UBE3C: variants seen among roughly 807,000 people sequenced by gnomAD.
UBE3C encodes ubiquitin-protein ligase E3C.
In UBE3C, 42 loss-of-function variants were observed where a neutral mutation model predicts 129.4. That is an observed-to-expected ratio of 0.32 (90% CI 0.25 to 0.42). The LOEUF (loss-of-function observed/expected upper bound fraction) is 0.42. Among genes scored for constraint, UBE3C ranks in the 10% least tolerant of loss-of-function variants. The probability of loss-of-function intolerance (pLI) is 1.00; values close to 1 mark genes in which losing one functional copy is unlikely to be tolerated. For missense variants in UBE3C, 1,049 were observed against 1,319.1 expected (o/e 0.80, Z 3.17); for synonymous variants, 510 against 492.4 (o/e 1.04, Z -0.47).
rs185662514 is a variant in UBE3C at position 157,144,855 on chromosome 7, A to G, written c.66+5517A>G. On this transcript the variant is annotated intron_variant, in intron 1 of 22. Transcript: ENST00000348165. ...ATTGATAAACCAATGTCGATGTGTT[A>G]TTATTAATTGAAGTCCATAGTGTAC... Among the ~76,000 whole-genome samples, 409 of 152,282 alleles carry G rather than the reference A, an allele frequency of 2.7e-3. 8 individuals carry two copies. Among genetic ancestry groups the G allele is most frequent in the Admixed American group, 0.025 (389 of 15,294 alleles).
intron 10 of UBE3C, chr7:157,198,278 C>G (rs1809179803): frequency 1.0e-6 from 1 of 962,756 alleles, no homozygotes; most frequent in Admixed American, 1.7e-5. Context: ...TGTCCGTGGG[C>G]TCTTGAAGAC....
chr7:157,158,892 G>A (rs1807990889), intron 1 of UBE3C, among the ~76,000 whole-genome samples: 1 of 152,224 alleles, frequency 6.6e-6, no homozygotes, highest in Non-Finnish European at 1.5e-5. Flanking sequence ...GTTAATATGA[G>A]AATTTGGTCC....
intron 15 of UBE3C, 84 bp downstream of exon 15, chr7:157,220,860 T>G: frequency 6.9e-7 from 1 of 1,452,638 alleles, no homozygotes; most frequent in African/African-American, 1.4e-5. Flanking sequence ...TCTGTTATTT[T>G]TCATAAACTT....
chr7:157,143,540 G>C (rs1180171006), intron 1 of UBE3C, among the ~76,000 whole-genome samples: 1 of 152,092 alleles, frequency 6.6e-6, no homozygotes, highest in East Asian at 1.9e-4. Context: ...TCTCACACAT[G>C]GTTTCCTAGC....
intron 6 of UBE3C, among the ~76,000 whole-genome samples, chr7:157,180,548 C>T (rs751144778): frequency 2.0e-5 from 3 of 151,794 alleles, no homozygotes; most frequent in Non-Finnish European, 4.4e-5. Flanking sequence ...CAAAAACTAG[C>T]CCATGCAGAT....
chr7:157,224,922 TA>T (rs1313252428), intron 16 of UBE3C, among the ~76,000 whole-genome samples: 1 of 152,254 alleles, frequency 6.6e-6, no homozygotes, highest in Non-Finnish European at 1.5e-5. Flanking sequence ...AGTGTTAGTA[TA>T]CAGCTTTTTA....
chr7:157,216,819 GT>G, intron 13 of UBE3C, 47 bp from the exon 14 acceptor site: 1 of 1,448,010 alleles, frequency 6.9e-7, no homozygotes, highest in Admixed American at 1.7e-5. Context: ...ACTGTGCATT[GT>G]GCTGCCGAGC....
In UBE3C at chr7:157,181,656, G is replaced by T; in HGVS notation, c.755G>T (p.Cys252Phe). The T allele has an allele frequency of 6.2e-7, 1 of 1,613,554 alleles. No individual in the cohort carries two copies. The highest frequency in any genetic ancestry group is 8.5e-7 in the Non-Finnish European group (1 of 1,179,868). ...CCATTGCACTTTACTTACAACTCCT[G>T]TCCGGAAGGTGCGAGGTGAGACTGG... ...LKPLHFTYNS[C>F]PEGARQQVFT... Residue 252 changes from cysteine to phenylalanine, a missense_variant, in exon 7 of 23, where the codon TGT (cysteine) becomes TTT (phenylalanine). This residue lies in a region of UBE3C where 489 missense variants were observed against 513.8 expected (regional missense o/e 0.95). Transcript: ENST00000348165.
intron 1 of UBE3C, among the ~76,000 whole-genome samples, chr7:157,142,568 G>GT (rs1243100481): frequency 6.6e-6 from 1 of 152,174 alleles, no homozygotes. Flanking sequence ...TTCCAGGTTC[G>GT]TGGAGCGGGG....
At chr7:157,245,195 A>C (rs1374936962) in intron 18 of UBE3C, among the ~76,000 whole-genome samples, 2 of 152,360 alleles carry the variant, frequency 1.3e-5, no homozygotes, top group East Asian at 3.9e-4. Context: ...ACATTTTATG[A>C]GTCACAGTGG....
intron 19 of UBE3C, among the ~76,000 whole-genome samples, chr7:157,252,937 G>A (rs747102879): frequency 6.6e-6 from 1 of 152,288 alleles, no homozygotes; most frequent in Admixed American, 6.5e-5. Flanking sequence ...ACAGGTGGGG[G>A]TCTTGCTTTA....
intron 10 of UBE3C, among the ~76,000 whole-genome samples, chr7:157,191,525 A>T (rs555381331): frequency 5.9e-5 from 9 of 152,312 alleles, no homozygotes; most frequent in African/African-American, 2.2e-4. Flanking sequence ...ACCTGGGCCC[A>T]AGTAATCTGC....
intron 1 of UBE3C, among the ~76,000 whole-genome samples, chr7:157,158,728 G>A (rs1807985679): frequency 6.6e-6 from 1 of 152,178 alleles, no homozygotes; most frequent in Non-Finnish European, 1.5e-5. Context: ...CCTTTGCTTT[G>A]TCAGGCATGA....
intron 19 of UBE3C, among the ~76,000 whole-genome samples, chr7:157,252,007 G>A (rs1228717333): frequency 6.6e-6 from 1 of 152,018 alleles, no homozygotes; most frequent in Non-Finnish European, 1.5e-5. Context: ...GTGGTGATGT[G>A]CACCTGTAAT....
intron 21 of UBE3C, among the ~76,000 whole-genome samples, chr7:157,255,198 G>A (rs1207602784): frequency 2.0e-5 from 3 of 152,160 alleles, no homozygotes; most frequent in Admixed American, 6.5e-5. Flanking sequence ...TAGATAAATG[G>A]CCAGTAAGCA....
chr7:157,182,936 A>G (rs1808707003), intron 8 of UBE3C, among the ~76,000 whole-genome samples: 1 of 152,008 alleles, frequency 6.6e-6, no homozygotes, highest in Non-Finnish European at 1.5e-5. Context: ...TTTAGTAGAG[A>G]CGGGGTTTCA....
At chr7:157,231,615 G>A (rs1584806520) in intron 18 of UBE3C, 2 of 374,054 alleles carry the variant, frequency 5.3e-6, no homozygotes, top group Non-Finnish European at 9.9e-6. Context: ...GTCATGAATG[G>A]ATGAGTGGTT....
At chr7:157,220,830 T>G in intron 15 of UBE3C, 54 bp downstream of exon 15, 1 of 1,579,538 alleles carries the variant, frequency 6.3e-7, no homozygotes, top group Non-Finnish European at 8.7e-7. Context: ...GCTGTCAAAT[T>G]CACTCCTTTA....
At chr7:157,164,333 T>A in intron 2 of UBE3C, 1 of 456,370 alleles carries the variant, frequency 2.2e-6, no homozygotes, top group South Asian at 1.5e-5. Flanking sequence ...ATTTTTAAGA[T>A]TTTTACATAG....
Sources: gnomAD v4.1 joint callset for allele counts (sites outside exome capture counted in the v4.1 genomes callset) on GRCh38, gnomAD v4.1.1 for gene constraint, gnomAD v4.1.1 regional missense constraint, MANE v1.5 for transcripts, NCBI Gene and HGNC (gene_info 2026-07-23, HGNC 2026-07-21) for gene names.